The following DENND1A variants were observed in gnomAD, a reference collection of about 807,000 sequenced individuals.
The protein encoded by DENND1A is DENN domain containing 1A, also known as DENN domain-containing protein 1A.
In DENND1A, 51 loss-of-function variants were observed where a neutral mutation model predicts 113.7. The observed-to-expected ratio is 0.45, with a 90% CI of 0.36 to 0.57. DENND1A has a LOEUF of 0.57. Ranked by LOEUF, DENND1A falls within the 20% of genes least tolerant of loss-of-function variation. DENND1A has a pLI of 0.00. For synonymous variants in DENND1A, 565 were observed against 570.8 expected, an observed-to-expected ratio of 0.99 and a Z score of 0.14; for missense variants, 1,258 against 1,395.9, an observed-to-expected ratio of 0.90 and a Z score of 1.57.
At position 123,615,344 on chromosome 9, in the gene DENND1A, C is replaced by A. The variant is rs1323761894; in HGVS notation, c.720-5863G>T. 5.3e-5 allele frequency among the ~76,000 whole-genome samples: 8 copies of A among 152,340 alleles called. No individual in the cohort carries two copies. The East Asian group carries it at 1.5e-3, about 29-fold the overall frequency. ...GTAAGTGGCAGAACTGGGACTAGAA[C>A]CCAAGCCCATGATACGGGGATCAAG... On this transcript the variant is annotated intron_variant, in intron 10 of 23. Coordinates refer to ENST00000394215, the MANE Select transcript of DENND1A (RefSeq NM_001352964.2).
chr9:123,601,680 T>A (rs1047442708), intron 11 of DENND1A, among the ~76,000 whole-genome samples: 1 of 152,222 alleles, frequency 6.6e-6, no homozygotes, highest in African/African-American at 2.4e-5. Context: ...ACTAGGAAAA[T>A]GAATGTTTGG....
intron 5 of DENND1A, among the ~76,000 whole-genome samples, chr9:123,735,940 A>C (rs2068529602): frequency 6.6e-6 from 1 of 152,156 alleles, no homozygotes; most frequent in Non-Finnish European, 1.5e-5. Context: ...CAGAGGTTGC[A>C]GTGAGCCGAG....
intron 22 of DENND1A, among the ~76,000 whole-genome samples, 158 bp downstream of exon 22, chr9:123,387,572 G>A (rs1588269305): frequency 6.6e-6 from 1 of 152,186 alleles, no homozygotes; most frequent in African/African-American, 2.4e-5. Flanking sequence ...CAGAGGTGGT[G>A]TCCACCCTGC....
intron 2 of DENND1A, among the ~76,000 whole-genome samples, chr9:123,824,686 A>C (rs941497445): frequency 1.3e-5 from 2 of 152,186 alleles, no homozygotes; most frequent in African/African-American, 4.8e-5. Context: ...CATACCTCCC[A>C]ATCTATATCT....
chr9:123,766,361 G>A (rs1405159845), intron 4 of DENND1A, among the ~76,000 whole-genome samples: 3 of 152,112 alleles, frequency 2.0e-5, no homozygotes, highest in Non-Finnish European at 1.5e-5. Flanking sequence ...CTCCAAGTCT[G>A]AGACCATTTC....
intron 20 of DENND1A, among the ~76,000 whole-genome samples, chr9:123,404,383 C>T (rs557943327): frequency 6.6e-5 from 10 of 152,354 alleles, no homozygotes; most frequent in South Asian, 4.1e-4. Context: ...TCCCAGTGCC[C>T]GAGAGGGATG....
rs542663571 is a variant in DENND1A, at chr9:123,720,227, A to G, written c.302+37476T>C. On this transcript the variant is annotated intron_variant, in intron 5 of 23. Coordinates refer to ENST00000394215, the MANE Select transcript of DENND1A (RefSeq NM_001352964.2). Reference sequence around the variant, plus strand: ...GGGAGGGCCCCTGAGAGCAGGTGTAACAGATTGGCAACCACCAGCTAAGTC... The same window carrying G: ...GGGAGGGCCCCTGAGAGCAGGTGTAGCAGATTGGCAACCACCAGCTAAGTC... Among the ~76,000 whole-genome samples, 3 of 152,324 alleles carry G rather than the reference A, an allele frequency of 2.0e-5. No homozygotes were observed. In the South Asian group the frequency reaches 6.2e-4, roughly 32 times the overall value.
chr9:123,600,742 A>T (rs908040941), intron 11 of DENND1A, among the ~76,000 whole-genome samples: 1 of 152,038 alleles, frequency 6.6e-6, no homozygotes, highest in Non-Finnish European at 1.5e-5. Context: ...GAGGCAGGAG[A>T]ATCGCTTGAA....
intron 5 of DENND1A, among the ~76,000 whole-genome samples, chr9:123,690,049 G>A (rs966392434): frequency 8.0e-6 from 1 of 125,366 alleles, no homozygotes; most frequent in Non-Finnish European, 1.7e-5. Flanking sequence ...AGGGAAGAAG[G>A]AAAGGAGGGA....
At chr9:123,401,945 C>A (rs543877741) in intron 21 of DENND1A, 2 of 1,614,124 alleles carry the variant, frequency 1.2e-6, no homozygotes, top group South Asian at 2.2e-5. Flanking sequence ...GGGTTTACAT[C>A]TCAATATCAA....
In DENND1A at chr9:123,457,400, G is replaced by T. The variant is rs151055320; in HGVS notation, c.1134C>A (p.Gly378=). Residue 378 remains glycine (G), a synonymous_variant, in exon 15 of 24, where the codon GGC becomes GGA. Transcript: ENST00000394215. ...CTTCAAAAACATCACTGAAACCTTC[G>T]CCGGAATTGAGAAGATCTAATCGAC... is the stretch of plus-strand genomic sequence containing the variant. The part of the protein sequence containing the change: ...IDGRLDLLNS[G]EGFSDVFEEE... 6.2e-7 allele frequency: 1 copy of T among 1,613,860 alleles called. No homozygotes were observed. Among genetic ancestry groups the T allele is most frequent in the African/African-American group, 1.3e-5 (1 of 74,870 alleles).
chr9:123,691,044 G>A (rs1396626289), intron 5 of DENND1A, among the ~76,000 whole-genome samples: 5 of 152,148 alleles, frequency 3.3e-5, no homozygotes, highest in Non-Finnish European at 7.3e-5. Context: ...GGCAGGCTCA[G>A]GAAGACAGCA....
intron 10 of DENND1A, among the ~76,000 whole-genome samples, chr9:123,624,926 T>C (rs1161313771): frequency 1.3e-5 from 2 of 152,164 alleles, no homozygotes; most frequent in Non-Finnish European, 2.9e-5. Flanking sequence ...AAAACACTGA[T>C]TTGTGAAAAT....
chr9:123,442,162 C>G (rs1482833144), intron 18 of DENND1A, among the ~76,000 whole-genome samples: 1 of 152,176 alleles, frequency 6.6e-6, no homozygotes, highest in Non-Finnish European at 1.5e-5. Flanking sequence ...CATCCAGCTG[C>G]CTACCAGCTG....
intron 19 of DENND1A, among the ~76,000 whole-genome samples, chr9:123,417,224 T>C (rs2044806511): frequency 6.6e-6 from 1 of 152,212 alleles, no homozygotes; most frequent in Non-Finnish European, 1.5e-5. Flanking sequence ...CCATCTTCCA[T>C]CTCCCCATGG....
chr9:123,430,868 G>A (rs980956701), intron 19 of DENND1A, among the ~76,000 whole-genome samples: 2 of 152,140 alleles, frequency 1.3e-5, no homozygotes, highest in African/African-American at 4.8e-5. Flanking sequence ...CAGGTGCGGT[G>A]GTGTGCACCT....
intron 13 of DENND1A, among the ~76,000 whole-genome samples, chr9:123,531,794 T>G (rs1037851834): frequency 1.3e-5 from 2 of 152,126 alleles, no homozygotes; most frequent in East Asian, 3.8e-4. Context: ...CTTTTACACA[T>G]AGCAAATGGT....
At chr9:123,815,515 C>A (rs567009384) in intron 2 of DENND1A, among the ~76,000 whole-genome samples, 1 of 152,236 alleles carries the variant, frequency 6.6e-6, no homozygotes, top group South Asian at 2.1e-4. Context: ...TTCTAATAAG[C>A]CCCCTTCAAA....
intron 1 of DENND1A, among the ~76,000 whole-genome samples, chr9:123,926,284 T>C (rs1857078604): frequency 6.6e-6 from 1 of 152,142 alleles, no homozygotes; most frequent in Non-Finnish European, 1.5e-5. Context: ...AACATGAGGC[T>C]GGGCACGGTG....
Sources: allele counts gnomAD v4.1 joint callset (sites outside exome capture counted in the v4.1 genomes callset), GRCh38; gene constraint gnomAD v4.1.1; transcripts MANE v1.5; gene names NCBI Gene and HGNC (gene_info 2026-07-23, HGNC 2026-07-21).